The following UBE2G2 variants were observed in gnomAD, a reference collection of about 807,000 sequenced individuals.
UBE2G2 encodes ubiquitin conjugating enzyme E2 G2, also known as ubiquitin-conjugating enzyme E2 G2.
Under a neutral mutation model 23.0 loss-of-function variants are expected in UBE2G2, and 10 were observed. The ratio of observed to expected loss-of-function variants is 0.43; its 90% CI spans 0.27 to 0.74. The LOEUF (loss-of-function observed/expected upper bound fraction) is 0.74. UBE2G2 is among the 30% of genes least tolerant of loss of function. The pLI is 0.19. For synonymous variants in UBE2G2, 86 were observed against 81.3 expected, an observed-to-expected ratio of 1.06 and a Z score of -0.31; for missense variants, 150 against 218.3, an observed-to-expected ratio of 0.69 and a Z score of 1.97.
In UBE2G2 at chr21:44,794,469, A is replaced by C. The variant is rs185797994; in HGVS notation, c.44-6374T>G. ...GGCAGTTATTTCTTAAATATAACAC[A>C]ATAGCAAGAAATATTTTAAAAGTCA... On this transcript the variant is annotated intron_variant, in intron 1 of 5. Transcript: ENST00000345496. Among the ~76,000 whole-genome samples, 28 of 152,330 alleles carry C rather than the reference A, an allele frequency of 1.8e-4. No individual in the cohort carries two copies. In the East Asian group the frequency reaches 4.6e-3, roughly 25 times the overall value.
intron 3 of UBE2G2, among the ~76,000 whole-genome samples, chr21:44,779,371 T>TGGGGGG (rs375243003): frequency 4.0e-5 from 3 of 75,400 alleles, no homozygotes; most frequent in Non-Finnish European, 7.7e-5. Flanking sequence ...GGAGCTGGGG[T>TGGGGGG]GGGGGGGGGG....
intron 1 of UBE2G2, among the ~76,000 whole-genome samples, chr21:44,793,676 T>C (rs2083063279): frequency 1.3e-5 from 2 of 152,226 alleles, no homozygotes; most frequent in Admixed American, 1.3e-4. Flanking sequence ...AGACGAATCT[T>C]GGTATCAGGG....
intron 4 of UBE2G2, chr21:44,775,017 AC>A (rs2082902819): frequency 7.0e-6 from 2 of 286,760 alleles, no homozygotes; most frequent in Non-Finnish European, 1.4e-5. Context: ...GCTTCCTCCC[AC>A]CTGTCCTTTG....
intron 1 of UBE2G2, among the ~76,000 whole-genome samples, chr21:44,791,422 T>G (rs1285131681): frequency 6.6e-6 from 1 of 152,162 alleles, no homozygotes; most frequent in East Asian, 1.9e-4. Flanking sequence ...CTTGGTGCCC[T>G]GTGTCCCAGC....
In UBE2G2 at chr21:44,773,686, G is replaced by C. The variant is rs1555960227; in HGVS notation, c.246C>G (p.Ile82Met). ...RFTCEMFHPN[I>M]YPDGRVCISI... ...AAATGCAGACTCTCCCATCAGGGTA[G>C]ACTGCAAGGGTCAGAGGCAGCCAAG... is the stretch of plus-strand genomic sequence containing the variant. The change falls in exon 5 of 6, where the codon ATC becomes ATG. Residue 82 changes from isoleucine to methionine, a missense_variant and splice_region_variant. By Grantham distance (10) the Ile-to-Met change is conservative. Coordinates refer to ENST00000345496, the MANE Select transcript of UBE2G2 (RefSeq NM_003343.6). The C allele has an allele frequency of 6.2e-7, 1 of 1,611,890 alleles. No individual in the cohort carries two copies. The highest frequency in any genetic ancestry group is 1.7e-5 in the Admixed American group (1 of 60,020).
chr21:44,801,673 G>T, intron 1 of UBE2G2, 33 bp downstream of exon 1: 1 of 1,505,146 alleles, frequency 6.6e-7, no homozygotes, highest in South Asian at 1.3e-5. Context: ...AGGAACGCGG[G>T]ACGCTGCTGA....
chr21:44,790,610 T>C (rs551796890), intron 1 of UBE2G2, among the ~76,000 whole-genome samples: 2 of 152,362 alleles, frequency 1.3e-5, no homozygotes, highest in East Asian at 3.9e-4. Context: ...CGAAAGTTCC[T>C]CCTTCACTCT....
chr21:44,797,714 CAAAAAAAAA>C (rs60369865), intron 1 of UBE2G2, among the ~76,000 whole-genome samples: 54 of 39,320 alleles, frequency 1.4e-3, no homozygotes, highest in African/African-American at 3.2e-3. Context: ...AACTCCGTCT[CAAAAAAAAA>C]AAAAAAAAAA....
intron 1 of UBE2G2, chr21:44,800,646 G>C (rs1031831059): frequency 6.6e-6 from 1 of 152,176 alleles, no homozygotes. Context: ...ATACGTGAGT[G>C]AGCCTGTATT....
intron 1 of UBE2G2, among the ~76,000 whole-genome samples, chr21:44,799,283 A>G (rs1403380150): frequency 6.6e-6 from 1 of 152,184 alleles, no homozygotes; most frequent in Non-Finnish European, 1.5e-5. Flanking sequence ...ATTAGCCCCT[A>G]ACAAGAGTCG....
chr21:44,780,972 G>A lies in UBE2G2; in HGVS notation c.126-3555C>T, dbSNP rs528390823. Among the ~76,000 whole-genome samples the A allele has an allele frequency of 8.7e-4, 132 of 152,310 alleles. 2 individuals carry two copies. The South Asian group carries it at 0.018, about 21-fold the overall frequency. ...GCAAGTGGGTGCCCTGAGCTTCGCCGGCAAGCGGTGTTCCAGGAACTGGTG... is the reference window on the plus strand; with the variant it reads ...GCAAGTGGGTGCCCTGAGCTTCGCCAGCAAGCGGTGTTCCAGGAACTGGTG... On this transcript the variant is annotated intron_variant, in intron 3 of 5. Coordinates refer to ENST00000345496, the MANE Select transcript of UBE2G2 (RefSeq NM_003343.6).
chr21:44,794,845 C>T (rs948948478), intron 1 of UBE2G2, among the ~76,000 whole-genome samples: 4 of 152,124 alleles, frequency 2.6e-5, no homozygotes, highest in Non-Finnish European at 4.4e-5. Flanking sequence ...AGAACTAAAA[C>T]TTAAGAAAAT....
At chr21:44,796,369 C>G (rs1428487509) in intron 1 of UBE2G2, among the ~76,000 whole-genome samples, 2 of 152,152 alleles carry the variant, frequency 1.3e-5, no homozygotes, top group African/African-American at 4.8e-5. Context: ...ATGACTACTC[C>G]CAAATACAAT....
intron 1 of UBE2G2, 53 bp from the exon 2 acceptor site, chr21:44,788,148 C>T: frequency 6.6e-7 from 1 of 1,505,118 alleles, no homozygotes; most frequent in Non-Finnish European, 9.0e-7. Context: ...GTTACATTGT[C>T]ATTTTAACAA....
At chr21:44,800,920 G>C (rs1189400979) in intron 1 of UBE2G2, 1 of 147,332 alleles carries the variant, frequency 6.8e-6, no homozygotes, top group African/African-American at 2.4e-5. Context: ...AAACTGCAGA[G>C]ACAGAGAGAG....
intron 1 of UBE2G2, among the ~76,000 whole-genome samples, chr21:44,793,810 T>C (rs564958528): frequency 1.3e-5 from 2 of 152,250 alleles, no homozygotes; most frequent in South Asian, 4.1e-4. Context: ...CAGATAACAT[T>C]GGTGAAGATA....
chr21:44,777,535 C>T (rs2294157), intron 3 of UBE2G2, 118 bp from the exon 4 acceptor site: 409,478 of 998,966 alleles, frequency 0.41, 86,299 homozygotes, highest in South Asian at 0.47. Flanking sequence ...AGGCCGGGTG[C>T]GGTGGCTCAC....
chr21:44,784,477 G>C (rs1261358033), intron 3 of UBE2G2, among the ~76,000 whole-genome samples: 1 of 152,094 alleles, frequency 6.6e-6, no homozygotes, highest in African/African-American at 2.4e-5. Context: ...TGACACTTTT[G>C]TTGAAGAAAA....
chr21:44,795,136 G>A (rs748927299), intron 1 of UBE2G2, among the ~76,000 whole-genome samples: 2 of 151,996 alleles, frequency 1.3e-5, no homozygotes, highest in Admixed American at 6.6e-5. Context: ...GGTGGCACGC[G>A]CCTATAGCCC....
Sources: allele counts gnomAD v4.1 joint callset (sites outside exome capture counted in the v4.1 genomes callset), GRCh38; gene constraint gnomAD v4.1.1; transcripts MANE v1.5; gene names NCBI Gene and HGNC (gene_info 2026-07-23, HGNC 2026-07-21).